Variants in NXPH1 observed in about 807,000 individuals in gnomAD.
The protein encoded by NXPH1 is neurexophilin-1.
Under a neutral mutation model 23.7 loss-of-function variants are expected in NXPH1, and 5 were observed. The observed-to-expected ratio is 0.21, with a 90% CI of 0.11 to 0.44. The LOEUF (loss-of-function observed/expected upper bound fraction) is 0.44, where lower values mean the gene tolerates loss of function less well. NXPH1 is among the 20% of genes least tolerant of loss of function. NXPH1 has a pLI of 0.99. For synonymous variants in NXPH1, 144 were observed against 122.2 expected (o/e 1.18, Z -1.18); for missense variants, 324 against 321.6 (o/e 1.01, Z -0.06).
At chr7:8,504,083 T>C (rs1042701877) in intron 2 of NXPH1, among the ~76,000 whole-genome samples, 4 of 152,084 alleles carry the variant, frequency 2.6e-5, no homozygotes, top group Non-Finnish European at 5.9e-5. Flanking sequence ...GGATGCATTA[T>C]GCCAGGGGCT....
intron 2 of NXPH1, among the ~76,000 whole-genome samples, chr7:8,577,494 A>G (rs1266755605): frequency 6.6e-6 from 1 of 152,174 alleles, no homozygotes; most frequent in Admixed American, 6.5e-5. Flanking sequence ...TACTGTTTAC[A>G]TCAAAAACTA....
In NXPH1 at chr7:8,517,810, CAT is replaced by C. The variant is rs1467206248; in HGVS notation, c.54+82045_54+82046del. On this transcript the variant is annotated intron_variant, in intron 2 of 2. Transcript: ENST00000405863. ...CTGGCAATTCTTTGAGATAATGTAA[CAT>C]AATGCACTGGGAGAGAGCTAGGGAG... is the stretch of plus-strand genomic sequence containing the variant. 3.9e-5 allele frequency among the ~76,000 whole-genome samples: 6 copies of C among 152,150 alleles called. No homozygotes were observed. In the South Asian group the frequency reaches 8.3e-4, roughly 21 times the overall value.
intron 2 of NXPH1, among the ~76,000 whole-genome samples, chr7:8,486,990 T>G (rs1242358283): frequency 2.6e-5 from 4 of 152,188 alleles, no homozygotes; most frequent in Non-Finnish European, 5.9e-5. Context: ...CTATTTTCCA[T>G]GATCAGATAT....
Position 8,565,456 on chromosome 7 carries a change from C to T in NXPH1, c.54+129689C>T, listed in dbSNP as rs574974278. The stretch of plus-strand genomic sequence containing the variant: ...CTTAAATCTGATTCAAGAGCTTATG[C>T]AATCCTTAGAATGGGACTATTTCTA... On this transcript the variant is annotated intron_variant, in intron 2 of 2. Transcript: ENST00000405863. Among the ~76,000 whole-genome samples the T allele has an allele frequency of 4.6e-5, 7 of 151,336 alleles. No individual in the cohort carries two copies. The South Asian group carries it at 1.2e-3, about 27-fold the overall frequency.
chr7:8,630,091 TTC>T (rs1466352558), intron 2 of NXPH1, among the ~76,000 whole-genome samples: 2 of 152,036 alleles, frequency 1.3e-5, no homozygotes, highest in Admixed American at 6.6e-5. Context: ...CCAGAATAAC[TTC>T]TGTTGTAAGG....
chr7:8,541,804 A>T (rs527602676), intron 2 of NXPH1, among the ~76,000 whole-genome samples: 91 of 151,752 alleles, frequency 6.0e-4, no homozygotes, highest in African/African-American at 2.1e-3. Context: ...TTGAAGGTAA[A>T]CTGTGATAAG....
At chr7:8,646,897 G>C (rs147803864) in intron 2 of NXPH1, among the ~76,000 whole-genome samples, 1 of 151,684 alleles carries the variant, frequency 6.6e-6, no homozygotes, top group African/African-American at 2.4e-5. Flanking sequence ...CTGGCAACTC[G>C]GGTGCATGAT....
At chr7:8,650,782 T>TGAAATAAAGCCACTAATACAGGTA (rs1820478331) in intron 2 of NXPH1, among the ~76,000 whole-genome samples, 2 of 152,146 alleles carry the variant, frequency 1.3e-5, no homozygotes, top group Non-Finnish European at 2.9e-5. Flanking sequence ...ACAGTGCTGT[T>TGAAATAAAGCCACTAATACAGGTA]GAAATAAAGG....
In NXPH1 at chr7:8,597,265, C is replaced by T. The variant is rs552320036; in HGVS notation, c.55-153743C>T. On this transcript the variant is annotated intron_variant, in intron 2 of 2. Transcript: ENST00000405863. Reference sequence around the variant, plus strand: ...TTTCAGCCAGAGTACGATGTTTTGGCCATTAAAGGGTAAAGTTTATTTAGC... The same window carrying T: ...TTTCAGCCAGAGTACGATGTTTTGGTCATTAAAGGGTAAAGTTTATTTAGC... 5.9e-5 allele frequency among the ~76,000 whole-genome samples: 9 copies of T among 152,102 alleles called. No homozygotes were observed. The South Asian group carries it at 1.5e-3, about 25-fold the overall frequency.
At chr7:8,712,956 A>G (rs1036484725) in intron 2 of NXPH1, among the ~76,000 whole-genome samples, 1 of 152,056 alleles carries the variant, frequency 6.6e-6, no homozygotes, top group African/African-American at 2.4e-5. Context: ...GAATATTGAT[A>G]TCTTTCTCTA....
intron 2 of NXPH1, among the ~76,000 whole-genome samples, chr7:8,595,397 T>G (rs1020661527): frequency 6.6e-6 from 1 of 152,018 alleles, no homozygotes; most frequent in Non-Finnish European, 1.5e-5. Context: ...AAAATGAACT[T>G]AAAGCCATGT....
chr7:8,584,223 G>C (rs1247469740), intron 2 of NXPH1, among the ~76,000 whole-genome samples: 1 of 152,110 alleles, frequency 6.6e-6, no homozygotes, highest in African/African-American at 2.4e-5. Flanking sequence ...ATCAGGACTT[G>C]GCCCTAGATA....
chr7:8,506,546 C>G (rs1170171859), intron 2 of NXPH1, among the ~76,000 whole-genome samples: 2 of 152,060 alleles, frequency 1.3e-5, no homozygotes, highest in Non-Finnish European at 2.9e-5. Context: ...TGAGTAAAGA[C>G]AGATACCATC....
At chr7:8,746,674 T>A (rs572532288) in intron 2 of NXPH1, among the ~76,000 whole-genome samples, 2 of 152,310 alleles carry the variant, frequency 1.3e-5, no homozygotes, top group South Asian at 4.1e-4. Flanking sequence ...TAAAAAATTA[T>A]TTTATTGTGG....
intron 2 of NXPH1, among the ~76,000 whole-genome samples, chr7:8,737,307 C>G (rs1780278012): frequency 6.6e-6 from 1 of 152,146 alleles, no homozygotes; most frequent in Non-Finnish European, 1.5e-5. Flanking sequence ...CCTTCAGGAG[C>G]TCTCGTAAGG....
chr7:8,576,308 C>T (rs975888930), intron 2 of NXPH1, among the ~76,000 whole-genome samples: 3 of 152,104 alleles, frequency 2.0e-5, no homozygotes, highest in South Asian at 2.1e-4. Flanking sequence ...ATCATCCATG[C>T]CCTTTGGGGT....
chr7:8,496,028 A>T (rs1817332637), intron 2 of NXPH1, among the ~76,000 whole-genome samples: 1 of 152,002 alleles, frequency 6.6e-6, no homozygotes, highest in African/African-American at 2.4e-5. Flanking sequence ...CACTGGATTT[A>T]TAGGGGCTTA....
intron 2 of NXPH1, among the ~76,000 whole-genome samples, chr7:8,505,111 G>A (rs1264100388): frequency 6.6e-6 from 1 of 151,698 alleles, no homozygotes; most frequent in African/African-American, 2.4e-5. Context: ...GTCATTTTTT[G>A]GTTAAATGTC....
chr7:8,599,980 G>A (rs551972525), intron 2 of NXPH1, among the ~76,000 whole-genome samples: 1 of 152,194 alleles, frequency 6.6e-6, no homozygotes, highest in South Asian at 2.1e-4. Context: ...ATGTGGGATT[G>A]TGGGAGTGAG....
Sources: allele counts gnomAD v4.1 joint callset (sites outside exome capture counted in the v4.1 genomes callset), GRCh38; gene constraint gnomAD v4.1.1; transcripts MANE v1.5; gene names NCBI Gene and HGNC (gene_info 2026-07-23, HGNC 2026-07-21).